TRMT11: variants seen among roughly 807,000 people sequenced by gnomAD.
The protein encoded by TRMT11 is tRNA methyltransferase 11, also known as tRNA (guanine(10)-N(2))-methyltransferase TRMT11.
Under a neutral mutation model 62.8 loss-of-function variants are expected in TRMT11, and 53 were observed. The observed-to-expected ratio is 0.84, with a 90% CI of 0.68 to 1.06. The LOEUF is 1.06. Ranked by LOEUF, TRMT11 falls within the 50% of genes least tolerant of loss-of-function variation. TRMT11 has a pLI of 0.00. For missense variants in TRMT11, 556 were observed against 553.4 expected (o/e 1.00, Z -0.05); for synonymous variants, 188 against 190.3 (o/e 0.99, Z 0.10).
At chr6:126,217,916 T>A in the TRMT11 span, among the ~76,000 whole-genome samples, 3 of 152,128 alleles carry the variant, frequency 2.0e-5, no homozygotes, top group Non-Finnish European at 4.4e-5. Flanking sequence ...CTTAGGAATC[T>A]ACCTAATTCT....
At chr6:126,239,482 G>T in the TRMT11 span, among the ~76,000 whole-genome samples, 38 of 152,168 alleles carry the variant, frequency 2.5e-4, no homozygotes, top group Middle Eastern at 3.4e-3. Context: ...AGTTTGGCTG[G>T]ATATGAAATT....
chr6:126,261,782 G>A, the TRMT11 span, among the ~76,000 whole-genome samples: 2 of 152,174 alleles, frequency 1.3e-5, no homozygotes, highest in African/African-American at 4.8e-5. Context: ...TGCTGTAGGT[G>A]GGAGTGCTGA....
At chr6:126,093,879 G>C (rs1027450990) in intron 17 of TRMT11, among the ~76,000 whole-genome samples, 1 of 151,614 alleles carries the variant, frequency 6.6e-6, no homozygotes, top group Admixed American at 6.6e-5. Context: ...CTAAATACTA[G>C]CAATGAATAA....
the TRMT11 span, among the ~76,000 whole-genome samples, chr6:126,216,204 G>C: frequency 6.6e-6 from 1 of 151,994 alleles, no homozygotes; most frequent in Non-Finnish European, 1.5e-5. Context: ...CCTTTTGTTT[G>C]TCTGGAAGAG....
chr6:126,243,806 A>G, the TRMT11 span, among the ~76,000 whole-genome samples: 7 of 152,188 alleles, frequency 4.6e-5, no homozygotes, highest in Admixed American at 4.6e-4. Flanking sequence ...GTGGGGAGGG[A>G]TAGCATTAGG....
chr6:126,107,273 T>C (rs907883371), intron 17 of TRMT11, among the ~76,000 whole-genome samples: 2 of 152,230 alleles, frequency 1.3e-5, no homozygotes, highest in Non-Finnish European at 2.9e-5. Flanking sequence ...ACTTTGCCTA[T>C]GTGCAATTAT....
chr6:126,204,701 G>A (rs1427447956), downstream of TRMT11, among the ~76,000 whole-genome samples: 1 of 152,204 alleles, frequency 6.6e-6, no homozygotes, highest in Admixed American at 6.5e-5. Context: ...CTTGAGTGTT[G>A]ATGGAGGTGA....
intron 2 of TRMT11, among the ~76,000 whole-genome samples, chr6:126,199,557 A>C (rs1353357863): frequency 2.0e-5 from 3 of 152,174 alleles, no homozygotes; most frequent in Non-Finnish European, 1.5e-5. Context: ...TAGCACTATA[A>C]ATTATAGAAT....
the TRMT11 span, chr6:126,257,996 G>A: frequency 6.5e-7 from 1 of 1,543,232 alleles, no homozygotes; most frequent in Non-Finnish European, 8.9e-7. Context: ...AGGCCTCGGT[G>A]GGTTTGTAAC....
chr6:126,147,278 A>G (rs1777984920), intron 21 of TRMT11, among the ~76,000 whole-genome samples: 1 of 152,082 alleles, frequency 6.6e-6, no homozygotes, highest in Non-Finnish European at 1.5e-5. Context: ...GTATCCTTTT[A>G]TGGAATCTCA....
downstream of TRMT11, among the ~76,000 whole-genome samples, chr6:126,202,824 G>C (rs1440933038): frequency 3.3e-5 from 5 of 152,142 alleles, no homozygotes; most frequent in Admixed American, 6.5e-5. Flanking sequence ...CATCTTTGCT[G>C]GGTTAAGCAA....
chr6:126,051,856 C>T lies in TRMT11; in HGVS notation c.*1370-1267C>T, dbSNP rs1008737781. Reference sequence around the variant, plus strand: ...GGCTTTTGAGTATCCAAGAGCAAAGCCAGGCAATGATTACTTATGCAAGAA... The same window carrying T: ...GGCTTTTGAGTATCCAAGAGCAAAGTCAGGCAATGATTACTTATGCAAGAA... On this transcript the variant is annotated intron_variant and NMD_transcript_variant, in intron 16 of 22. Transcript: ENST00000648977. Among the ~76,000 whole-genome samples the T allele has an allele frequency of 3.9e-5, 6 of 152,004 alleles. No individual in the cohort carries two copies. The East Asian group carries it at 1.2e-3, about 29-fold the overall frequency.
the TRMT11 span, among the ~76,000 whole-genome samples, chr6:126,210,465 C>T: frequency 6.6e-6 from 1 of 152,130 alleles, no homozygotes; most frequent in African/African-American, 2.4e-5. Flanking sequence ...AAACCCTGAA[C>T]AAAGAACTCA....
intron 17 of TRMT11, among the ~76,000 whole-genome samples, chr6:126,105,026 C>T (rs563160383): frequency 9.8e-5 from 15 of 152,302 alleles, no homozygotes; most frequent in South Asian, 4.2e-4. Flanking sequence ...ATTCTCCAGA[C>T]GTGGCACCAC....
At chr6:126,020,851 G>A (rs1206010722) in intron 11 of TRMT11, among the ~76,000 whole-genome samples, 4 of 152,132 alleles carry the variant, frequency 2.6e-5, no homozygotes, top group African/African-American at 9.7e-5. Flanking sequence ...GTCTACTCTT[G>A]TGGAATTCTG....
chr6:126,190,973 A>G (rs185232631), intron 1 of TRMT11, among the ~76,000 whole-genome samples: 1 of 152,278 alleles, frequency 6.6e-6, no homozygotes, highest in Admixed American at 6.5e-5. Context: ...GTGCTGGATC[A>G]TAGGATAGTT....
intron 17 of TRMT11, among the ~76,000 whole-genome samples, chr6:126,103,113 A>G (rs1160848584): frequency 6.6e-6 from 1 of 152,136 alleles, no homozygotes; most frequent in Non-Finnish European, 1.5e-5. Flanking sequence ...TTCCATCGTA[A>G]ACTCTTCCTG....
intron 21 of TRMT11, among the ~76,000 whole-genome samples, chr6:126,132,819 TGTA>T (rs1777801612): frequency 6.6e-6 from 1 of 152,054 alleles, no homozygotes; most frequent in African/African-American, 2.4e-5. Context: ...TTGGTTGTAC[TGTA>T]GTAGAAGAGC....
Position 126,134,671 on chromosome 6 carries a change from C to A in TRMT11, c.*1823+18816C>A, listed in dbSNP as rs150560037. On this transcript the variant is annotated intron_variant and NMD_transcript_variant, in intron 21 of 22. Coordinates refer to the TRMT11 transcript ENST00000648977. ...AACATACCTTTAGAGAACATTTCATCCAGTTGGATGTGAACACACATTTTT... is the reference window on the plus strand; with the variant it reads ...AACATACCTTTAGAGAACATTTCATACAGTTGGATGTGAACACACATTTTT... Among the ~76,000 whole-genome samples the A allele has an allele frequency of 4.9e-3, 748 of 151,904 alleles. 4 individuals are homozygous for A. The highest frequency in any genetic ancestry group is 8.0e-3 in the Admixed American group (122 of 15,196).
Sources: allele counts gnomAD v4.1 joint callset (sites outside exome capture counted in the v4.1 genomes callset), GRCh38; gene constraint gnomAD v4.1.1; transcripts MANE v1.5; gene names NCBI Gene and HGNC (gene_info 2026-07-23, HGNC 2026-07-21).